The following CFAP92 variants were observed in gnomAD, a reference collection of about 807,000 sequenced individuals.
CFAP92 encodes cilia and flagella associated protein 92 (putative), also known as uncharacterized protein CFAP92.
In CFAP92, 86 loss-of-function variants were observed where a neutral mutation model predicts 106.3. The observed-to-expected ratio is 0.81, with a 90% CI of 0.68 to 0.97. The LOEUF (loss-of-function observed/expected upper bound fraction) is 0.97, where lower values mean the gene tolerates loss of function less well. Among genes scored for constraint, CFAP92 ranks in the 50% least tolerant of loss-of-function variants. The pLI is 0.00. For missense variants in CFAP92, 1,204 were observed against 1,283.8 expected (o/e 0.94, Z 0.95); for synonymous variants, 477 against 506.4 (o/e 0.94, Z 0.78).
rs1422621575 is a variant in CFAP92, at chr3:128,945,508, C to A, written c.1821G>T (p.Gly607=). The change falls in exon 10 of 16, where the codon GGG becomes GGT. Residue 607 remains glycine (G), a synonymous_variant. Transcript: ENST00000645291. ...GQDSRRRKVV[G]LGVPRDGHQH... ...GGTGGCCATCTCTGGGGACCCCAAG[C>A]CCCACAACCTTCCTTCTCCTGCTGT... 2.6e-6 allele frequency: 4 copies of A among 1,536,024 alleles called. No individual in the cohort carries two copies. The highest frequency in any genetic ancestry group is 1.4e-5 in the African/African-American group (1 of 73,032).
intron 7 of CFAP92, among the ~76,000 whole-genome samples, chr3:128,975,189 C>T (rs1943068068): frequency 2.0e-5 from 3 of 152,014 alleles, no homozygotes. Context: ...TTTCCATAAA[C>T]ATGATTCTTT....
Position 128,984,445 on chromosome 3 carries a change from T to C in CFAP92, c.667+3171A>G, listed in dbSNP as rs1250715916. Among the ~76,000 whole-genome samples the C allele has an allele frequency of 2.0e-5, 3 of 152,300 alleles. No individual in the cohort carries two copies. In the East Asian group the frequency reaches 5.8e-4, roughly 29 times the overall value. On this transcript the variant is annotated intron_variant, in intron 4 of 15. Transcript: ENST00000645291. Reference sequence around the variant, plus strand: ...TCTTCCGGCCTTCATCTTTCTCCCATGCTGGAGGCTTCCTGCCCTCAAACA... The same window carrying C: ...TCTTCCGGCCTTCATCTTTCTCCCACGCTGGAGGCTTCCTGCCCTCAAACA...
At chr3:128,953,740 C>T (rs866229212) in intron 9 of CFAP92, among the ~76,000 whole-genome samples, 26 of 124,208 alleles carry the variant, frequency 2.1e-4, no homozygotes, top group Admixed American at 2.3e-4. Context: ...CTCAGCCTGC[C>T]GAGTGCCTGC....
At chr3:128,919,715 T>C (rs2107683382) in intron 12 of CFAP92, among the ~76,000 whole-genome samples, 1 of 152,292 alleles carries the variant, frequency 6.6e-6, no homozygotes, top group South Asian at 2.1e-4. Context: ...AATAAGAACA[T>C]AAGCAGAAAA....
intron 3 of CFAP92, among the ~76,000 whole-genome samples, chr3:128,988,419 T>G (rs1268605727): frequency 2.0e-5 from 3 of 152,084 alleles, no homozygotes; most frequent in Non-Finnish European, 4.4e-5. Flanking sequence ...CTCGTGCTTG[T>G]AATTCCAGCT....
chr3:128,996,152 CTG>C (rs1364872965), upstream of CFAP92, among the ~76,000 whole-genome samples: 1 of 152,208 alleles, frequency 6.6e-6, no homozygotes, highest in Admixed American at 6.5e-5. Context: ...CCACATGAAA[CTG>C]TTGTGACTGA....
At chr3:128,991,713 C>T (rs533316510) in intron 2 of CFAP92, 13 of 992,864 alleles carry the variant, frequency 1.3e-5, no homozygotes, top group South Asian at 3.3e-5. Context: ...TTCATTGAAA[C>T]AGCATGTTGC....
chr3:128,959,645 C>T (rs1941718717), intron 9 of CFAP92, among the ~76,000 whole-genome samples: 1 of 152,224 alleles, frequency 6.6e-6, no homozygotes, highest in African/African-American at 2.4e-5. Flanking sequence ...CCGCTGGCAA[C>T]TGCCACAGGA....
At chr3:128,991,872 C>T (rs1242993595) in intron 2 of CFAP92, 1 of 987,250 alleles carries the variant, frequency 1.0e-6, no homozygotes, top group African/African-American at 1.7e-5. Context: ...AAAGCAAGGT[C>T]TATCAAGATG....
chr3:128,930,659 G>A (rs1046005129), intron 12 of CFAP92, among the ~76,000 whole-genome samples: 11 of 151,966 alleles, frequency 7.2e-5, no homozygotes, highest in African/African-American at 2.4e-4. Context: ...GCTGAGGCAG[G>A]AGAATCACTT....
chr3:128,997,498 T>C (rs1006723877), upstream of CFAP92, among the ~76,000 whole-genome samples: 11 of 152,242 alleles, frequency 7.2e-5, no homozygotes, highest in Admixed American at 6.5e-4. Flanking sequence ...TAGGCAACCA[T>C]ATCTACTTTG....
chr3:128,911,778 C>T (rs912995277), intron 15 of CFAP92, among the ~76,000 whole-genome samples: 10 of 152,208 alleles, frequency 6.6e-5, no homozygotes, highest in Middle Eastern at 6.3e-3. Context: ...GGAAGGCTCA[C>T]GAAGGGAGGA....
chr3:128,966,166 A>G (rs1309187766), intron 8 of CFAP92, among the ~76,000 whole-genome samples: 2 of 152,238 alleles, frequency 1.3e-5, no homozygotes, highest in African/African-American at 4.8e-5. Flanking sequence ...ATTGTAACTA[A>G]TTAAAATTAA....
upstream of CFAP92, among the ~76,000 whole-genome samples, chr3:128,997,741 C>T (rs1191859714): frequency 6.6e-6 from 1 of 152,210 alleles, no homozygotes; most frequent in East Asian, 1.9e-4. Flanking sequence ...GGCATTTAGA[C>T]ATTTATGAAC....
rs1938569920 is a variant in CFAP92 at position 128,932,998 on chromosome 3, C to A, written c.2454-1G>T. ...GCTGTTATAGCAGATGTCGTGGATCCTGGAACAAAGAACCACTGCCCCACT... is the reference window on the plus strand; with the variant it reads ...GCTGTTATAGCAGATGTCGTGGATCATGGAACAAAGAACCACTGCCCCACT... On this transcript the variant is annotated splice_acceptor_variant, in intron 11 of 15. Transcript: ENST00000645291. LOFTEE classifies it high-confidence loss of function. 1.3e-6 allele frequency: 2 copies of A among 1,536,048 alleles called. No individual in the cohort carries two copies. Among genetic ancestry groups the A allele is most frequent in the Non-Finnish European group, 1.7e-6 (2 of 1,146,858 alleles).
intron 9 of CFAP92, among the ~76,000 whole-genome samples, chr3:128,959,407 G>C (rs556427334): frequency 3.3e-5 from 5 of 152,026 alleles, no homozygotes; most frequent in African/African-American, 1.2e-4. Context: ...TCATGTGTAA[G>C]GATAAAAAAA....
intron 12 of CFAP92, among the ~76,000 whole-genome samples, chr3:128,923,099 T>G (rs1937429926): frequency 6.6e-6 from 1 of 152,242 alleles, no homozygotes; most frequent in Non-Finnish European, 1.5e-5. Context: ...AAGTTTTTGC[T>G]TCTGTTTCGC....
the CFAP92 span, among the ~76,000 whole-genome samples, chr3:129,010,850 C>A: frequency 6.6e-6 from 1 of 152,218 alleles, no homozygotes; most frequent in African/African-American, 2.4e-5. The surrounding 1 kb of genome is among the most constrained non-coding windows in gnomAD (Gnocchi z 4.3). Context: ...CCCACTCAGG[C>A]ACCCACTGCA....
At chr3:129,002,172 C>T (rs1472121577) in intron 1 of CFAP92, 4 of 1,476,966 alleles carry the variant, frequency 2.7e-6, no homozygotes, top group East Asian at 2.8e-5. Flanking sequence ...TCCGCGCCGC[C>T]GCCGCCGCCC....
Sources: gnomAD v4.1 joint callset for allele counts (sites outside exome capture counted in the v4.1 genomes callset) on GRCh38, gnomAD v4.1.1 for gene constraint, Gnocchi (gnomAD v3.1) non-coding constraint, MANE v1.5 for transcripts, NCBI Gene and HGNC (gene_info 2026-07-23, HGNC 2026-07-21) for gene names.